The following EFR3A variants were observed in gnomAD, a reference collection of about 807,000 sequenced individuals.
The protein encoded by EFR3A is protein EFR3 homolog A.
In EFR3A, 76 loss-of-function variants were observed where a neutral mutation model predicts 104.4. That is an observed-to-expected ratio of 0.73 (90% confidence interval 0.60 to 0.88). The LOEUF (loss-of-function observed/expected upper bound fraction) is 0.88. EFR3A is among the 40% of genes least tolerant of loss of function. The pLI is 0.00. For synonymous variants in EFR3A, 330 were observed against 330.0 expected (o/e 1.00, Z 0.00); for missense variants, 985 against 1,012.5 (o/e 0.97, Z 0.37).
chr8:131,974,132 T>G (rs1355900680), intron 10 of EFR3A, among the ~76,000 whole-genome samples: 2 of 152,150 alleles, frequency 1.3e-5, no homozygotes, highest in East Asian at 3.8e-4. Flanking sequence ...ATGCTTGGAC[T>G]CCCACCCCCA....
At chr8:132,009,748 A>G (rs886151138) in intron 22 of EFR3A, among the ~76,000 whole-genome samples, 2 of 152,106 alleles carry the variant, frequency 1.3e-5, no homozygotes, top group East Asian at 3.9e-4. Flanking sequence ...TAAAAACACT[A>G]GAATTAATAC....
intron 22 of EFR3A, among the ~76,000 whole-genome samples, chr8:132,004,230 AAT>A (rs1821923948): frequency 6.6e-6 from 1 of 152,200 alleles, no homozygotes; most frequent in Non-Finnish European, 1.5e-5. Flanking sequence ...TAAAATATTC[AAT>A]ATGTGCTAGA....
In EFR3A at chr8:131,967,612, A is replaced by ACAT. The variant is rs140558467; in HGVS notation, c.856-682_856-680dup. Among the ~76,000 whole-genome samples the ACAT allele has an allele frequency of 5.8e-3, 887 of 152,150 alleles. 9 individuals are homozygous for ACAT. The highest frequency in any genetic ancestry group is 0.02 in the African/African-American group (845 of 41,518). ...ACCTATTCACTGGAGTTAAGAATAA[A>ACAT]CATTTTTTTGGCTATCCTTTTTTTG... On this transcript the variant is annotated intron_variant, in intron 8 of 22. Transcript: ENST00000254624.
intron 12 of EFR3A, among the ~76,000 whole-genome samples, chr8:131,978,039 C>A (rs1247741300): frequency 1.3e-5 from 2 of 152,104 alleles, no homozygotes; most frequent in African/African-American, 4.8e-5. Flanking sequence ...AGTTGTCCCA[C>A]CAGTTTCCCA....
intron 1 of EFR3A, among the ~76,000 whole-genome samples, chr8:131,925,706 A>T (rs1195434423): frequency 6.6e-6 from 1 of 152,094 alleles, no homozygotes; most frequent in East Asian, 1.9e-4. Flanking sequence ...ATAATTTTTA[A>T]AAGATAACTC....
chr8:132,002,123 TGTG>T (rs1821812618), intron 20 of EFR3A, among the ~76,000 whole-genome samples: 1 of 152,150 alleles, frequency 6.6e-6, no homozygotes, highest in South Asian at 2.1e-4. Flanking sequence ...CTTTCCAAAT[TGTG>T]GTAAATAAAT....
chr8:131,993,421 C>G (rs1030300776), intron 18 of EFR3A, among the ~76,000 whole-genome samples: 1 of 152,080 alleles, frequency 6.6e-6, no homozygotes, highest in Non-Finnish European at 1.5e-5. Context: ...CCTGTCACAT[C>G]CCCAGAAAGG....
chr8:131,905,026 T>C (rs552585142), intron 1 of EFR3A, among the ~76,000 whole-genome samples: 2 of 152,258 alleles, frequency 1.3e-5, no homozygotes, highest in South Asian at 2.1e-4. Flanking sequence ...TCACTCGGTG[T>C]TGGAGGATTT....
At chr8:131,956,261 C>T (rs1818984331) in intron 7 of EFR3A, among the ~76,000 whole-genome samples, 2 of 152,140 alleles carry the variant, frequency 1.3e-5, no homozygotes, top group Non-Finnish European at 2.9e-5. Context: ...TCAGTTTTTC[C>T]TGGTCCCTGG....
chr8:131,949,006 T>C (rs1229080562), intron 4 of EFR3A, among the ~76,000 whole-genome samples: 1 of 152,176 alleles, frequency 6.6e-6, no homozygotes, highest in Non-Finnish European at 1.5e-5. Flanking sequence ...CTAGATACTT[T>C]TTATTTTTAC....
chr8:131,982,435 C>T (rs1820662664), intron 14 of EFR3A, among the ~76,000 whole-genome samples: 1 of 151,932 alleles, frequency 6.6e-6, no homozygotes, highest in Admixed American at 6.6e-5. Context: ...ATGAACTGTG[C>T]TCCTAAAAAC....
chr8:131,981,191 A>G (rs1211099643), intron 14 of EFR3A, among the ~76,000 whole-genome samples: 1 of 152,016 alleles, frequency 6.6e-6, no homozygotes, highest in Non-Finnish European at 1.5e-5. Flanking sequence ...TTATGCAATG[A>G]CATTAAACAG....
At chr8:131,938,106 T>A (rs1817996527) in intron 1 of EFR3A, 4 of 392,032 alleles carry the variant, frequency 1.0e-5, no homozygotes, top group Non-Finnish European at 1.8e-5. Context: ...TTAGGTAAGT[T>A]ACAGTACTTC....
chr8:131,946,790 G>C (rs1818464459), intron 4 of EFR3A, among the ~76,000 whole-genome samples, 157 bp downstream of exon 4: 2 of 152,050 alleles, frequency 1.3e-5, no homozygotes, highest in African/African-American at 4.8e-5. Flanking sequence ...TTGCCTCTCA[G>C]TTTTTCTGCT....
chr8:131,949,731 TTGAGCCTAGGAATTCAAGGCTCAG>T (rs112900899), intron 4 of EFR3A, among the ~76,000 whole-genome samples: 3,372 of 152,202 alleles, frequency 0.022, 59 homozygotes, highest in African/African-American at 0.045. Context: ...GGAGGATCAC[TTGAGCCTAGGAATTCAAGGCTCAG>T]TGAGCTATGA....
intron 22 of EFR3A, among the ~76,000 whole-genome samples, chr8:132,010,407 GATATATATATATATATATATAT>G (rs66644698): frequency 0.079 from 6,442 of 81,982 alleles, 535 homozygotes; most frequent in South Asian, 0.23. Context: ...TCAAGTATGA[GATATATATATATATATATATAT>G]ATATATATAT....
intron 1 of EFR3A, among the ~76,000 whole-genome samples, chr8:131,938,561 G>T (rs1269620246): frequency 6.6e-6 from 1 of 151,998 alleles, no homozygotes; most frequent in Non-Finnish European, 1.5e-5. Context: ...TTTGTTTTGT[G>T]TTGGGCCTTC....
At chr8:131,933,145 T>C (rs114688744) in intron 1 of EFR3A, among the ~76,000 whole-genome samples, 5,531 of 152,236 alleles carry the variant, frequency 0.036, 191 homozygotes, top group African/African-American at 0.093. Flanking sequence ...GCCAATCTTT[T>C]ATATATTAAA....
At chr8:131,907,459 A>G (rs1816309336) in intron 1 of EFR3A, among the ~76,000 whole-genome samples, 1 of 152,236 alleles carries the variant, frequency 6.6e-6, no homozygotes, top group Admixed American at 6.5e-5. Flanking sequence ...CTGTTAAACT[A>G]TACTTTGAGT....
Sources: allele counts gnomAD v4.1 joint callset (sites outside exome capture counted in the v4.1 genomes callset), GRCh38; gene constraint gnomAD v4.1.1; transcripts MANE v1.5; gene names NCBI Gene and HGNC (gene_info 2026-07-23, HGNC 2026-07-21).